GDAP1L1: variants seen among roughly 807,000 people sequenced by gnomAD.
GDAP1L1 encodes the protein ganglioside-induced differentiation-associated protein 1-like 1.
Under a neutral mutation model 37.1 loss-of-function variants are expected in GDAP1L1, and 21 were observed. The observed-to-expected ratio is 0.57, with a 90% confidence interval of 0.40 to 0.81. The LOEUF is 0.81. Ranked by LOEUF, GDAP1L1 falls within the 40% of genes least tolerant of loss-of-function variation. GDAP1L1 has a pLI of 0.00. For synonymous variants in GDAP1L1, 193 were observed against 209.1 expected (o/e 0.92, Z 0.67); for missense variants, 362 against 491.6 (o/e 0.74, Z 2.49).
At chr20:44,256,663 A>C (rs907635383) in intron 1 of GDAP1L1, among the ~76,000 whole-genome samples, 1 of 151,808 alleles carries the variant, frequency 6.6e-6, no homozygotes, top group East Asian at 1.9e-4. Flanking sequence ...CTGTCTTAAA[A>C]AAAAGGGGAA....
chr20:44,251,444 G>A (rs2073440382), intron 1 of GDAP1L1, among the ~76,000 whole-genome samples: 1 of 152,220 alleles, frequency 6.6e-6, no homozygotes, highest in Non-Finnish European at 1.5e-5. Context: ...CCTGCCAGAG[G>A]CCAGTTCAGA....
chr20:44,261,496 C>G (rs1027197969), intron 3 of GDAP1L1, among the ~76,000 whole-genome samples: 1 of 152,180 alleles, frequency 6.6e-6, no homozygotes, highest in Non-Finnish European at 1.5e-5. Flanking sequence ...ATTCAACACT[C>G]ACTGAGCTCC....
intron 1 of GDAP1L1, among the ~76,000 whole-genome samples, chr20:44,250,974 C>T (rs1568645734): frequency 6.6e-6 from 1 of 152,030 alleles, no homozygotes; most frequent in Non-Finnish European, 1.5e-5. Context: ...TCCTCCTTCA[C>T]CAGGCAGGAA....
In GDAP1L1 at chr20:44,278,967, C is replaced by T. The variant is rs147953138; in HGVS notation, c.771C>T (p.Cys257=). The change falls in exon 6 of 6, where the codon TGC becomes TGT. Residue 257 remains cysteine, a synonymous_variant. Coordinates refer to ENST00000342560, the MANE Select transcript of GDAP1L1 (RefSeq NM_024034.6). ...TTTCTTCCACTCTAGGGCAGAAATG[C>T]GAGCTGTGGCTCTGTGGCTGTGCCT... ...KRKLENEGQK[C]ELWLCGCAFT... is the part of the protein sequence containing the mutation. The T allele has an allele frequency of 7.6e-5, 123 of 1,610,440 alleles. 1 individual carries two copies. The African/African-American group carries it at 9.1e-4, about 12-fold the overall frequency.
chr20:44,247,612 G>C (rs1158416812), intron 1 of GDAP1L1, 98 bp downstream of exon 1: 18 of 1,153,930 alleles, frequency 1.6e-5, no homozygotes, highest in South Asian at 8.3e-5. Context: ...AAGACTGGAG[G>C]GGGGAACCTG....
In GDAP1L1 at chr20:44,249,014, ACT is replaced by A. The variant is rs1357121117; in HGVS notation, c.180+1503_180+1504del. On this transcript the variant is annotated intron_variant, in intron 1 of 5. Coordinates refer to ENST00000342560, the MANE Select transcript of GDAP1L1 (RefSeq NM_024034.6). ...TGGCAGTGCCTGGCGAGAGGTCAAG[ACT>A]CTGTTGATAATGAGTGTTATGATTT... 2.6e-5 allele frequency among the ~76,000 whole-genome samples: 4 copies of A among 151,538 alleles called. No homozygotes were observed. The East Asian group carries it at 5.8e-4, about 22-fold the overall frequency.
intron 1 of GDAP1L1, among the ~76,000 whole-genome samples, chr20:44,248,949 T>G (rs1044031037): frequency 6.6e-6 from 1 of 152,188 alleles, no homozygotes; most frequent in Non-Finnish European, 1.5e-5. Context: ...AGGGCTATTA[T>G]GAGAGTGAAA....
Position 44,265,355 on chromosome 20 carries a change from C to T in GDAP1L1, c.760+796C>T, listed in dbSNP as rs868421103. On this transcript the variant is annotated intron_variant, in intron 5 of 5. Coordinates refer to ENST00000342560, the MANE Select transcript of GDAP1L1 (RefSeq NM_024034.6). ...GTTGCACACCATCTTTGCCACAGCCCTTCTTCAAATCTCATTCTGAGCTTC... is the reference window on the plus strand; with the variant it reads ...GTTGCACACCATCTTTGCCACAGCCTTTCTTCAAATCTCATTCTGAGCTTC... 12 of 985,294 alleles carry T rather than the reference C, an allele frequency of 1.2e-5. No homozygotes were observed. In the Middle Eastern group the frequency reaches 2.1e-3, roughly 170 times the overall value. 61.0% of individuals were successfully genotyped at this position (985,294 alleles called of 1,614,324 possible). A position where few individuals can be genotyped will look rare whatever the true frequency, so the allele number is the denominator to read the frequency against.
intron 1 of GDAP1L1, among the ~76,000 whole-genome samples, chr20:44,249,819 A>T (rs1315687588): frequency 6.6e-6 from 1 of 152,206 alleles, no homozygotes; most frequent in East Asian, 1.9e-4. Context: ...CAGAAAGGGC[A>T]TGGGCTCTGC....
chr20:44,259,143 A>C (rs565145294), intron 3 of GDAP1L1, among the ~76,000 whole-genome samples: 1 of 152,346 alleles, frequency 6.6e-6, no homozygotes, highest in East Asian at 1.9e-4. Flanking sequence ...GTGAGGTCTC[A>C]GATTGAAGGT....
At chr20:44,276,463 A>AGAAAGAAAGAAT (rs977887973) in intron 5 of GDAP1L1, among the ~76,000 whole-genome samples, 1 of 151,730 alleles carries the variant, frequency 6.6e-6, no homozygotes, top group African/African-American at 2.4e-5. Flanking sequence ...AAAGAAAGAA[A>AGAAAGAAAGAAT]GAAAAAGAAA....
chr20:44,267,660 G>A (rs968350014), intron 5 of GDAP1L1, among the ~76,000 whole-genome samples: 2 of 151,490 alleles, frequency 1.3e-5, no homozygotes, highest in Admixed American at 6.6e-5. Context: ...GAGTGCCTAC[G>A]TCCCAGGGCT....
chr20:44,273,942 C>CATTAGAAT (rs1381396139), intron 5 of GDAP1L1, among the ~76,000 whole-genome samples: 2 of 152,212 alleles, frequency 1.3e-5, no homozygotes, highest in Non-Finnish European at 2.9e-5. Context: ...GACCCACCCA[C>CATTAGAAT]TGTATATCAT....
At chr20:44,258,711 C>T (rs1256892642) in intron 3 of GDAP1L1, 104 bp downstream of exon 3, 9 of 775,150 alleles carry the variant, frequency 1.2e-5, no homozygotes, top group African/African-American at 1.7e-5. Flanking sequence ...CTGTCCTCCC[C>T]TTCCTCCTCC....
chr20:44,271,370 A>G (rs976924315), intron 5 of GDAP1L1, among the ~76,000 whole-genome samples: 2 of 152,200 alleles, frequency 1.3e-5, no homozygotes, highest in Non-Finnish European at 2.9e-5. Flanking sequence ...AGGAAGACCC[A>G]CATGTTAGGA....
intron 2 of GDAP1L1, among the ~76,000 whole-genome samples, chr20:44,257,969 C>A (rs2073593805): frequency 6.6e-6 from 1 of 152,190 alleles, no homozygotes; most frequent in Non-Finnish European, 1.5e-5. Context: ...ACCCCAGAAC[C>A]TCGCAGAGAC....
At chr20:44,258,974 C>T (rs1276258700) in intron 3 of GDAP1L1, among the ~76,000 whole-genome samples, 5 of 151,870 alleles carry the variant, frequency 3.3e-5, no homozygotes, top group Admixed American at 1.3e-4. Flanking sequence ...CTGCCCCCCC[C>T]ATACACAGAC....
chr20:44,270,164 A>ATTTTTTTTTTTTTT, intron 5 of GDAP1L1, among the ~76,000 whole-genome samples: 1 of 100,594 alleles, frequency 9.9e-6, no homozygotes, highest in Non-Finnish European at 1.9e-5. Context: ...AGTGTCTTAA[A>ATTTTTTTTTTTTTT]TTTTTTTTTT....
At chr20:44,263,359 C>A in intron 4 of GDAP1L1, 32 bp downstream of exon 4, 1 of 1,378,904 alleles carries the variant, frequency 7.3e-7, no homozygotes, top group Non-Finnish European at 1.0e-6. Context: ...GAGTCCCCTT[C>A]CCTACGAGCT....
Sources: allele counts gnomAD v4.1 joint callset (sites outside exome capture counted in the v4.1 genomes callset), GRCh38; gene constraint gnomAD v4.1.1; transcripts MANE v1.5; gene names NCBI Gene and HGNC (gene_info 2026-07-23, HGNC 2026-07-21).